JMJD1C: variants seen among roughly 807,000 people sequenced by gnomAD.
JMJD1C encodes the protein jumonji domain containing 1C, also known as jumonji domain-containing protein 1C.
JMJD1C carries 31 observed loss-of-function variants against 245.3 expected under a neutral mutation model. The ratio of observed to expected loss-of-function variants is 0.13; its 90% confidence interval spans 0.09 to 0.17. The LOEUF is 0.17. Among genes scored for constraint, JMJD1C ranks in the 10% least tolerant of loss-of-function variants. JMJD1C has a pLI of 1.00. For synonymous variants in JMJD1C, 1,057 were observed against 1,017.4 expected (o/e 1.04, Z -0.74); for missense variants, 2,691 against 3,000.2 (o/e 0.90, Z 2.41).
At chr10:63,514,541 A>C (rs1954959968) in intron 1 of JMJD1C, among the ~76,000 whole-genome samples, 1 of 152,150 alleles carries the variant, frequency 6.6e-6, no homozygotes. Flanking sequence ...AAAACCAAAT[A>C]CTGCATGCCC....
At chr10:63,194,610 G>A in intron 13 of JMJD1C, 1 of 407,732 alleles carries the variant, frequency 2.5e-6, no homozygotes, top group South Asian at 3.7e-5. Flanking sequence ...TAAAAACACT[G>A]ACACAAAATG....
chr10:63,387,582 G>A (rs1189720407), intron 1 of JMJD1C, among the ~76,000 whole-genome samples: 19 of 136,320 alleles, frequency 1.4e-4, no homozygotes, highest in Non-Finnish European at 4.7e-5. Flanking sequence ...CTCAGAACTT[G>A]ACAGACCTTT....
chr10:63,395,976 GGAGT>G (rs1948457611), intron 1 of JMJD1C, among the ~76,000 whole-genome samples: 1 of 151,960 alleles, frequency 6.6e-6, no homozygotes, highest in African/African-American at 2.4e-5. Context: ...ATTTTATAGG[GGAGT>G]GATTGCACTG....
intron 3 of JMJD1C, 104 bp downstream of exon 3, chr10:63,264,547 A>G (rs1855290625): frequency 3.4e-6 from 2 of 594,842 alleles, no homozygotes; most frequent in East Asian, 6.0e-5. Flanking sequence ...ACACAACTAG[A>G]AGTTAGATGA....
intron 2 of JMJD1C, among the ~76,000 whole-genome samples, chr10:63,276,057 G>T (rs1856739256): frequency 6.6e-6 from 1 of 152,072 alleles, no homozygotes; most frequent in South Asian, 2.1e-4. Flanking sequence ...CATGCTTTTA[G>T]TAATTAAAAA....
At chr10:63,399,944 AT>A (rs1948749015) in intron 1 of JMJD1C, among the ~76,000 whole-genome samples, 1 of 152,150 alleles carries the variant, frequency 6.6e-6, no homozygotes, top group Non-Finnish European at 1.5e-5. Context: ...TTAAAAAAAA[AT>A]AAAAGTAGAA....
intron 3 of JMJD1C, chr10:63,222,928 T>C (rs1019677907): frequency 2.5e-5 from 37 of 1,505,708 alleles, no homozygotes; most frequent in African/African-American, 1.9e-4. Flanking sequence ...AAGACAGAAA[T>C]GAACCCTGCC....
chr10:63,220,869 GA>G (rs922921405), intron 3 of JMJD1C, among the ~76,000 whole-genome samples: 2 of 152,154 alleles, frequency 1.3e-5, no homozygotes, highest in African/African-American at 4.8e-5. Flanking sequence ...AGCACTTTGG[GA>G]GGCTGAGGTG....
At chr10:63,492,405 C>T (rs977891306) in intron 1 of JMJD1C, among the ~76,000 whole-genome samples, 12 of 152,218 alleles carry the variant, frequency 7.9e-5, no homozygotes, top group African/African-American at 2.7e-4. Flanking sequence ...GTGACTCACG[C>T]CTGTAATCCC....
At chr10:63,487,656 A>G (rs1354568137) in intron 1 of JMJD1C, among the ~76,000 whole-genome samples, 2 of 152,212 alleles carry the variant, frequency 1.3e-5, no homozygotes, top group Non-Finnish European at 1.5e-5. Flanking sequence ...ATAGACCACG[A>G]AGGTGGGTAA....
intron 1 of JMJD1C, among the ~76,000 whole-genome samples, chr10:63,412,398 AAAC>A (rs1949540435): frequency 6.6e-6 from 1 of 152,212 alleles, no homozygotes; most frequent in African/African-American, 2.4e-5. Flanking sequence ...AGATTGCACT[AAAC>A]AACATTAAAA....
intron 11 of JMJD1C, among the ~76,000 whole-genome samples, chr10:63,199,588 C>CT (rs1335646424): frequency 6.6e-6 from 1 of 152,044 alleles, no homozygotes; most frequent in Non-Finnish European, 1.5e-5. Context: ...TTCCTTCAGA[C>CT]TTTTCCTAGA....
At chr10:63,197,823 A>G (rs537727515) in intron 12 of JMJD1C, among the ~76,000 whole-genome samples, 1 of 152,356 alleles carries the variant, frequency 6.6e-6, no homozygotes, top group South Asian at 2.1e-4. Flanking sequence ...TTTAGGTTGA[A>G]TAATTCTTTG....
rs545860271 is a variant in JMJD1C at position 63,474,104 on chromosome 10, T to C, written n.113+47634A>G. Among the ~76,000 whole-genome samples the C allele has an allele frequency of 5.9e-3, 889 of 151,126 alleles. 12 individuals carry two copies. Among genetic ancestry groups the C allele is most frequent in the Non-Finnish European group, 9.5e-3 (643 of 67,726 alleles). Reference sequence around the variant, plus strand: ...CTTGGTACACTAAAAAAAATAATAATAATAAATAAATAAATAAATAAATAA... The same window carrying C: ...CTTGGTACACTAAAAAAAATAATAACAATAAATAAATAAATAAATAAATAA... On this transcript the variant is annotated intron_variant and non_coding_transcript_variant, in intron 1 of 3. Transcript: ENST00000633035.
chr10:63,484,726 T>C (rs1953940563), intron 1 of JMJD1C, among the ~76,000 whole-genome samples: 1 of 152,110 alleles, frequency 6.6e-6, no homozygotes, highest in Non-Finnish European at 1.5e-5. Context: ...TTTATATATC[T>C]ATCTAAAATT....
intron 1 of JMJD1C, among the ~76,000 whole-genome samples, chr10:63,505,224 G>A (rs1954681581): frequency 6.6e-6 from 1 of 151,718 alleles, no homozygotes; most frequent in Non-Finnish European, 1.5e-5. Context: ...GGCTGAGGCA[G>A]GAGAATGGCA....
At chr10:63,521,544 A>C in intron 1 of JMJD1C, 1 of 1,434,494 alleles carries the variant, frequency 7.0e-7, no homozygotes. Context: ...GCCCCCGTGA[A>C]GATGGTGTCC....
intron 1 of JMJD1C, among the ~76,000 whole-genome samples, chr10:63,463,805 G>C (rs529884010): frequency 3.3e-5 from 5 of 152,030 alleles, no homozygotes; most frequent in African/African-American, 9.7e-5. Context: ...CAACAATCAG[G>C]ATAGGAAACA....
chr10:63,290,002 A>C (rs1858450014), intron 2 of JMJD1C, among the ~76,000 whole-genome samples: 1 of 152,118 alleles, frequency 6.6e-6, no homozygotes. Context: ...GAACAAAATC[A>C]AATATTACAA....
Sources: gnomAD v4.1 joint callset for allele counts (sites outside exome capture counted in the v4.1 genomes callset) on GRCh38, gnomAD v4.1.1 for gene constraint, MANE v1.5 for transcripts, NCBI Gene and HGNC (gene_info 2026-07-23, HGNC 2026-07-21) for gene names.